NR3C1: variants seen among roughly 807,000 people sequenced by gnomAD.
The protein encoded by NR3C1 is nuclear receptor subfamily 3 group C member 1, also known as glucocorticoid receptor.
A neutral mutation model predicts 74.0 loss-of-function variants in NR3C1; 14 were observed. The observed-to-expected ratio is 0.19, with a 90% CI of 0.12 to 0.30. The LOEUF (loss-of-function observed/expected upper bound fraction) is 0.30, where lower values mean the gene tolerates loss of function less well. Among genes scored for constraint, NR3C1 ranks in the 10% least tolerant of loss-of-function variants. The pLI is 1.00. For missense variants in NR3C1, 695 were observed against 909.8 expected (o/e 0.76, Z 3.04); for synonymous variants, 308 against 332.5 (o/e 0.93, Z 0.80).
intron 2 of NR3C1, among the ~76,000 whole-genome samples, chr5:143,332,134 C>T (rs1826086895): frequency 6.6e-6 from 1 of 152,016 alleles, no homozygotes; most frequent in Admixed American, 6.6e-5. Flanking sequence ...AGCTGACAAC[C>T]TTAGACTAAA....
intron 6 of NR3C1, among the ~76,000 whole-genome samples, chr5:143,296,908 C>G (rs1170977056): frequency 6.6e-6 from 1 of 151,818 alleles, no homozygotes; most frequent in African/African-American, 2.4e-5. Flanking sequence ...AAAACCCCGT[C>G]TCTACTAAAA....
At chr5:143,411,966 G>A (rs751043547) in intron 1 of NR3C1, among the ~76,000 whole-genome samples, 4 of 152,020 alleles carry the variant, frequency 2.6e-5, no homozygotes, top group Non-Finnish European at 4.4e-5. Context: ...GCTATGGTTG[G>A]ACAGGAGAGG....
At chr5:143,301,741 T>G (rs1325315804) in intron 4 of NR3C1, among the ~76,000 whole-genome samples, 1 of 152,080 alleles carries the variant, frequency 6.6e-6, no homozygotes, top group Non-Finnish European at 1.5e-5. Context: ...TCTAAATTAT[T>G]AGGGATGCAA....
chr5:143,292,661 C>G (rs1035459205), intron 7 of NR3C1, among the ~76,000 whole-genome samples: 4 of 152,300 alleles, frequency 2.6e-5, no homozygotes, highest in Non-Finnish European at 4.4e-5. Context: ...AGGAAACCCC[C>G]ACTAAGACTG....
chr5:143,391,075 C>T (rs1219537335), intron 2 of NR3C1, among the ~76,000 whole-genome samples: 1 of 152,126 alleles, frequency 6.6e-6, no homozygotes, highest in Non-Finnish European at 1.5e-5. Flanking sequence ...TATAGCCATA[C>T]ACTTTGTCCT....
chr5:143,431,609 C>G (rs182728968), intron 1 of NR3C1, among the ~76,000 whole-genome samples: 26 of 152,140 alleles, frequency 1.7e-4, no homozygotes, highest in Non-Finnish European at 2.6e-4. Flanking sequence ...CACATGCATA[C>G]CTGTGTAACA....
intron 2 of NR3C1, among the ~76,000 whole-genome samples, chr5:143,343,752 G>A (rs1283995164): frequency 6.6e-6 from 1 of 152,126 alleles, no homozygotes; most frequent in African/African-American, 2.4e-5. Context: ...TTCTTGGAAG[G>A]TGTTATTCCC....
At chr5:143,424,948 T>TA (rs113305561) in intron 1 of NR3C1, among the ~76,000 whole-genome samples, 3,589 of 152,172 alleles carry the variant, frequency 0.024, 150 homozygotes, top group African/African-American at 0.081. Flanking sequence ...AAACAATCTA[T>TA]AAAAAAAGGC....
In NR3C1 at chr5:143,300,488, G is replaced by A; in HGVS notation, c.1744C>T (p.Pro582Ser). The A allele has an allele frequency of 6.2e-7, 1 of 1,614,116 alleles. No individual in the cohort carries two copies. The highest frequency in any genetic ancestry group is 8.5e-7 in the Non-Finnish European group (1 of 1,179,984). The part of the protein sequence containing the change: ...IAAVKWAKAI[P>S]GFRNLHLDDQ... Reference sequence around the variant, plus strand: ...TCTTTTATGTTTTGCATCTTACCTGGTATTGCCTTTGCCCATTTCACTGCT... The same window carrying A: ...TCTTTTATGTTTTGCATCTTACCTGATATTGCCTTTGCCCATTTCACTGCT... Residue 582 changes from proline to serine, a missense_variant, in exon 5 of 9, where the codon CCA becomes TCA. Physicochemically the swap from Pro to Ser is moderately conservative, Grantham distance 74. Coordinates refer to ENST00000394464, the MANE Select transcript of NR3C1 (RefSeq NM_000176.3). This position sits in a 1 kb window ranked among gnomAD's most constrained non-coding sequence, Gnocchi z 5.2.
At chr5:143,386,865 TGGAGAGTTCA>T (rs1334758458) in intron 2 of NR3C1, among the ~76,000 whole-genome samples, 1 of 152,214 alleles carries the variant, frequency 6.6e-6, no homozygotes, top group Non-Finnish European at 1.5e-5. Context: ...CCAAAGGTTA[TGGAGAGTTCA>T]TGTGGCTACC....
chr5:143,361,025 C>T (rs1480020228), intron 2 of NR3C1, among the ~76,000 whole-genome samples: 4 of 152,180 alleles, frequency 2.6e-5, no homozygotes, highest in Non-Finnish European at 5.9e-5. Context: ...ATAAAATGAT[C>T]TACTGCAGGA....
chr5:143,297,008 CAG>C (rs1179512552), intron 6 of NR3C1, among the ~76,000 whole-genome samples: 7 of 141,830 alleles, frequency 4.9e-5, no homozygotes, highest in African/African-American at 8.0e-5. Context: ...ACCCTGGAGG[CAG>C]AGGTTGCCAT....
chr5:143,403,719 TC>T, upstream of NR3C1: 1 of 985,160 alleles, frequency 1.0e-6, no homozygotes, highest in Non-Finnish European at 1.2e-6. Context: ...ACACACGCGC[TC>T]CCACTCCACC....
At chr5:143,372,601 C>G (rs1029208530) in intron 2 of NR3C1, among the ~76,000 whole-genome samples, 1 of 152,196 alleles carries the variant, frequency 6.6e-6, no homozygotes, top group Non-Finnish European at 1.5e-5. Flanking sequence ...CGGACTACTG[C>G]ATAAATTTTG....
In NR3C1 at chr5:143,432,692, A is replaced by G. The variant is rs142802228; in HGVS notation, c.-14+1840T>C. Reference sequence around the variant, plus strand: ...TGAATTCAATGTTTTTCTTTAAGCAACTCAACTTCTGTGGCTACTTGTTAC... The same window carrying G: ...TGAATTCAATGTTTTTCTTTAAGCAGCTCAACTTCTGTGGCTACTTGTTAC... On this transcript the variant is annotated intron_variant, in intron 1 of 8. Transcript: ENST00000343796. Among the ~76,000 whole-genome samples, 326 of 152,280 alleles carry G rather than the reference A, an allele frequency of 2.1e-3. 1 individual carries two copies. The highest frequency in any genetic ancestry group is 7.4e-3 in the African/African-American group (307 of 41,544).
intron 2 of NR3C1, among the ~76,000 whole-genome samples, chr5:143,356,474 C>G (rs989979698): frequency 2.0e-5 from 3 of 151,992 alleles, no homozygotes; most frequent in Non-Finnish European, 4.4e-5. Context: ...AATTCCCAAG[C>G]CCAAATAGCA....
chr5:143,330,162 A>G (rs1445731968), intron 2 of NR3C1, among the ~76,000 whole-genome samples: 1 of 152,178 alleles, frequency 6.6e-6, no homozygotes, highest in Non-Finnish European at 1.5e-5. Flanking sequence ...CTAAAATGCT[A>G]TTTGCTAACA....
chr5:143,405,261 T>G, upstream of NR3C1: 2 of 985,722 alleles, frequency 2.0e-6, no homozygotes, highest in Non-Finnish European at 2.4e-6. Flanking sequence ...GCTTGCCAGC[T>G]CCTGACACGG....
At chr5:143,352,421 T>G (rs944618229) in intron 2 of NR3C1, among the ~76,000 whole-genome samples, 1 of 152,212 alleles carries the variant, frequency 6.6e-6, no homozygotes, top group Admixed American at 6.5e-5. Context: ...TTGGTTTATA[T>G]CCTTCCCTAA....
Sources: allele counts gnomAD v4.1 joint callset (sites outside exome capture counted in the v4.1 genomes callset), GRCh38; gene constraint gnomAD v4.1.1; non-coding constraint Gnocchi (gnomAD v3.1); transcripts MANE v1.5; gene names NCBI Gene and HGNC (gene_info 2026-07-23, HGNC 2026-07-21).